Variants in KIAA1210 observed in about 807,000 individuals in gnomAD.
KIAA1210 encodes the protein acrosomal protein KIAA1210.
A neutral mutation model predicts 78.9 loss-of-function variants in KIAA1210; 48 were observed. The ratio of observed to expected loss-of-function variants is 0.61; its 90% CI spans 0.48 to 0.77. The LOEUF is 0.77. Ranked by LOEUF, KIAA1210 falls within the 30% of genes least tolerant of loss-of-function variation. The pLI is 0.00. For synonymous variants in KIAA1210, 406 were observed against 404.5 expected, an observed-to-expected ratio of 1.00 and a Z score of -0.04; for missense variants, 1,108 against 1,100.0, an observed-to-expected ratio of 1.01 and a Z score of -0.10.
intron 3 of KIAA1210, among the ~76,000 whole-genome samples, chrX:119,110,070 G>A (rs1397993494): frequency 2.7e-5 from 3 of 111,830 alleles, no homozygotes; most frequent in African/African-American, 9.8e-5. Flanking sequence ...CACAGGAAGA[G>A]CAAACTACAG....
chrX:119,129,054 A>G (rs974996995), upstream of KIAA1210, among the ~76,000 whole-genome samples: 17 of 111,837 alleles, frequency 1.5e-4, no homozygotes, highest in Non-Finnish European at 3.2e-4. Flanking sequence ...TTTTTTGTCT[A>G]TCTCCTCAAC....
At chrX:119,126,989 A>T (rs1323349546) in intron 1 of KIAA1210, among the ~76,000 whole-genome samples, 2 of 110,817 alleles carry the variant, frequency 1.8e-5, no homozygotes, top group Non-Finnish European at 3.8e-5. Flanking sequence ...TGAGAGGATC[A>T]CTTGAGCCTG....
intron 2 of KIAA1210, among the ~76,000 whole-genome samples, chrX:119,144,378 T>C (rs947233469): frequency 1.8e-5 from 2 of 112,811 alleles, no homozygotes; most frequent in Non-Finnish European, 3.7e-5. Context: ...TGAATCTGGA[T>C]GAAAGCACAG....
intron 8 of KIAA1210, among the ~76,000 whole-genome samples, chrX:119,092,634 G>A (rs941465885): frequency 8.2e-5 from 9 of 109,798 alleles, no homozygotes; most frequent in Admixed American, 1.9e-4. Flanking sequence ...GGCGGCGGGC[G>A]CCTGTAGTCC....
rs773428375 is a variant in KIAA1210, at chrX:119,087,315, C to T, written c.3387G>A (p.Glu1129=). The T allele has an allele frequency of 8.3e-6, 10 of 1,209,150 alleles. No homozygotes were observed. In the East Asian group the frequency reaches 1.5e-4, roughly 18 times the overall value. Residue 1129 remains glutamate, a synonymous_variant, in exon 9 of 12, where the codon GAG becomes GAA. Transcript: ENST00000691062. ...RQLSQALRKP[E]YEQKVSPVSA... is the part of the protein sequence containing the mutation. ...AAACAGGGGAGACTTTTTGCTCATACTCAGGTTTCCTCAAGGCCTGGGAAA... is the reference window on the plus strand; with the variant it reads ...AAACAGGGGAGACTTTTTGCTCATATTCAGGTTTCCTCAAGGCCTGGGAAA...
At chrX:119,145,501 G>GT (rs1929146425) in intron 2 of KIAA1210, among the ~76,000 whole-genome samples, 1 of 110,843 alleles carries the variant, frequency 9.0e-6, no homozygotes, top group Admixed American at 9.6e-5. Flanking sequence ...TGCATTTGAA[G>GT]TAATAGCATG....
Position 119,083,044 on chromosome X carries a change from T to C in KIAA1210, c.4397A>G (p.Gln1466Arg). Reference sequence around the variant, plus strand: ...TTTTGTAGGCTTAGGTGGCTTCATCTGTGCTGTCTTCTCCTGTTTATGGAC... The same window carrying C: ...TTTTGTAGGCTTAGGTGGCTTCATCCGTGCTGTCTTCTCCTGTTTATGGAC... ...SSVHKQEKTA[Q>R]MKPPKPTKSV... The change falls in exon 11 of 12, where the codon CAG becomes CGG. Residue 1466 changes from glutamine (Q) to arginine (R), a missense_variant. By Grantham distance (43) the Gln-to-Arg change is conservative. Around this residue, in one of 5 missense-constraint regions of KIAA1210, gnomAD observed 245 missense variants for 278.8 expected, o/e 0.88. Coordinates refer to ENST00000691062, the MANE Select transcript of KIAA1210 (RefSeq NM_001394962.1). 8.3e-7 allele frequency: 1 copy of C among 1,206,947 alleles called. No homozygotes were observed. The highest frequency in any genetic ancestry group is 1.1e-6 in the Non-Finnish European group (1 of 893,042).
Position 119,087,962 on chromosome X carries a change from C to T in KIAA1210, c.2740G>A (p.Val914Met). 2 of 1,211,433 alleles carry T rather than the reference C, an allele frequency of 1.7e-6. No individual in the cohort carries two copies. Among genetic ancestry groups the T allele is most frequent in the Non-Finnish European group, 2.2e-6 (2 of 895,264 alleles). The change falls in exon 9 of 12, where the codon GTG (valine) becomes ATG (methionine). Residue 914 changes from valine (V) to methionine (M), a missense_variant. By Grantham distance (21) the Val-to-Met change is conservative (BLOSUM62 1). Coordinates refer to ENST00000691062, the MANE Select transcript of KIAA1210 (RefSeq NM_001394962.1). ...TPSKYTSPPWVTPKFEELYQL... is the reference protein window; with the variant it reads ...TPSKYTSPPWMTPKFEELYQL... ...TACAGTTCCTCAAATTTAGGGGTCA[C>T]CCATGGCGGGGAAGTGTATTTGGAA...
At chrX:119,106,466 G>A (rs1012844153) in intron 5 of KIAA1210, among the ~76,000 whole-genome samples, 3 of 111,381 alleles carry the variant, frequency 2.7e-5, no homozygotes, top group Admixed American at 1.9e-4. Context: ...CTGTGAACTC[G>A]TGTCTCCTAA....
chrX:119,098,861 C>T (rs938816605), intron 6 of KIAA1210, among the ~76,000 whole-genome samples: 9 of 112,095 alleles, frequency 8.0e-5, no homozygotes, highest in African/African-American at 2.3e-4. Context: ...GTACCTCCAA[C>T]TGTGCTTGTA....
chrX:119,113,678 CT>C (rs1183937437), intron 3 of KIAA1210, among the ~76,000 whole-genome samples: 2 of 111,376 alleles, frequency 1.8e-5, no homozygotes, highest in Non-Finnish European at 3.8e-5. Flanking sequence ...TTCAAGAAAG[CT>C]GTTATATAGA....
intron 2 of KIAA1210, among the ~76,000 whole-genome samples, chrX:119,134,288 T>A (rs887475285): frequency 3.6e-5 from 4 of 112,528 alleles, no homozygotes; most frequent in Admixed American, 1.9e-4. Flanking sequence ...TCATTCACAT[T>A]GCTGTGAATG....
intron 4 of KIAA1210, 110 bp from the exon 5 acceptor site, chrX:119,108,581 T>C (rs1246774423): frequency 7.4e-6 from 7 of 945,733 alleles, no homozygotes; most frequent in Non-Finnish European, 5.6e-6. Flanking sequence ...GAAGTGAATA[T>C]AGGCCAGGCA....
At chrX:119,102,306 G>A (rs1214551695) in intron 6 of KIAA1210, among the ~76,000 whole-genome samples, 1 of 112,659 alleles carries the variant, frequency 8.9e-6, no homozygotes, top group Non-Finnish European at 1.9e-5. Context: ...TTGTAAATTT[G>A]TATACAATCA....
At chrX:119,127,349 A>G (rs1223579661) in intron 1 of KIAA1210, among the ~76,000 whole-genome samples, 1 of 110,776 alleles carries the variant, frequency 9.0e-6, no homozygotes, top group African/African-American at 3.3e-5. Flanking sequence ...AAAAAAAAAC[A>G]CTAAAGAGAA....
Position 119,125,731 on chromosome X carries a change from A to T in KIAA1210, c.-11+1996T>A, listed in dbSNP as rs1196878156. On this transcript the variant is annotated intron_variant, in intron 1 of 11. Coordinates refer to ENST00000691062, the MANE Select transcript of KIAA1210 (RefSeq NM_001394962.1). ...AGCTAATACATATATATATATATAT[A>T]TATATTTTTTTTTTTTTTTTTTTGG... 3.3e-3 allele frequency among the ~76,000 whole-genome samples: 25 copies of T among 7,616 alleles called. 1 individual carries two copies. The highest frequency in any genetic ancestry group is 4.5e-3 in the African/African-American group (23 of 5,143). The allele number at this position is 7,616 out of a possible 115,157, so 6.6% of individuals were successfully genotyped here. A position where few individuals can be genotyped will look rare whatever the true frequency, so the allele number is the denominator to read the frequency against.
chrX:119,104,774 C>T (rs1407299232), intron 6 of KIAA1210, among the ~76,000 whole-genome samples: 2 of 111,590 alleles, frequency 1.8e-5, no homozygotes, highest in Admixed American at 9.5e-5. Context: ...ATTATTTTTT[C>T]GAAAATACTA....
chrX:119,149,720 A>C (rs1299763175), intron 1 of KIAA1210, among the ~76,000 whole-genome samples: 1 of 112,332 alleles, frequency 8.9e-6, no homozygotes, highest in East Asian at 2.8e-4. Flanking sequence ...CATAATAAGA[A>C]TATACTGCTT....
chrX:119,085,980 G>A (rs1183683384), intron 9 of KIAA1210, among the ~76,000 whole-genome samples: 2 of 113,011 alleles, frequency 1.8e-5, no homozygotes, highest in Non-Finnish European at 3.7e-5. Context: ...ACATAAGTGT[G>A]GTTACAGGAA....
Sources: allele counts gnomAD v4.1 joint callset (sites outside exome capture counted in the v4.1 genomes callset), GRCh38; gene constraint gnomAD v4.1.1; regional missense constraint gnomAD v4.1.1; transcripts MANE v1.5; gene names NCBI Gene and HGNC (gene_info 2026-07-23, HGNC 2026-07-21).